The following WBP1L variants were observed in gnomAD, a reference collection of about 807,000 sequenced individuals.
The protein encoded by WBP1L is WW domain binding protein 1 like.
In WBP1L, 17 loss-of-function variants were observed where a neutral mutation model predicts 33.7. The ratio of observed to expected loss-of-function variants is 0.50; its 90% CI spans 0.34 to 0.76. The LOEUF (loss-of-function observed/expected upper bound fraction) is 0.76. WBP1L is among the 30% of genes least tolerant of loss of function. WBP1L has a pLI of 0.01. For synonymous variants in WBP1L, 173 were observed against 190.8 expected (o/e 0.91, Z 0.77); for missense variants, 389 against 469.4 (o/e 0.83, Z 1.58).
chr10:102,752,249 A>G (rs2249850), intron 1 of WBP1L, among the ~76,000 whole-genome samples: 32,581 of 152,044 alleles, frequency 0.21, 4,301 homozygotes, highest in Non-Finnish European at 0.27. Context: ...AGGTGGAGAA[A>G]TCCTGGCTTA....
At chr10:102,784,570 C>T (rs1044639072) in intron 1 of WBP1L, among the ~76,000 whole-genome samples, 11 of 151,836 alleles carry the variant, frequency 7.2e-5, no homozygotes, top group African/African-American at 2.4e-4. Context: ...GGACTACAGG[C>T]GCCCGCCACC....
At chr10:102,747,729 T>A (rs536638992) in intron 1 of WBP1L, among the ~76,000 whole-genome samples, 27 of 152,254 alleles carry the variant, frequency 1.8e-4, no homozygotes, top group Non-Finnish European at 2.8e-4. Flanking sequence ...GGTTTCGCCA[T>A]GTTGCCCAGG....
chr10:102,751,615 T>C (rs1842925142), intron 1 of WBP1L, among the ~76,000 whole-genome samples: 1 of 152,236 alleles, frequency 6.6e-6, no homozygotes, highest in East Asian at 1.9e-4. Flanking sequence ...GCCAATGTGA[T>C]ATTTACTTAA....
At chr10:102,744,979 G>A (rs767702676) in intron 1 of WBP1L, among the ~76,000 whole-genome samples, 1 of 152,178 alleles carries the variant, frequency 6.6e-6, no homozygotes, top group Admixed American at 6.5e-5. Flanking sequence ...AAACCCTAAT[G>A]GGAGCGTTAC....
chr10:102,802,176 C>T (rs1305937674), intron 2 of WBP1L, among the ~76,000 whole-genome samples: 1 of 140,090 alleles, frequency 7.1e-6, no homozygotes, highest in East Asian at 2.1e-4. Context: ...AGGTTTCACT[C>T]TATCACCCAG....
intron 1 of WBP1L, among the ~76,000 whole-genome samples, chr10:102,781,720 G>A (rs1049697032): frequency 6.6e-6 from 1 of 152,158 alleles, no homozygotes; most frequent in African/African-American, 2.4e-5. Context: ...GGTGACACTT[G>A]TTTGTGCTAC....
intron 1 of WBP1L, 98 bp from the exon 2 acceptor site, chr10:102,797,895 T>C (rs113579190): frequency 1.2e-5 from 13 of 1,099,528 alleles, no homozygotes; most frequent in Non-Finnish European, 1.6e-5. Context: ...CAAACTGTTT[T>C]GGGGGCTGGT....
At chr10:102,744,199 G>A (rs1250072299) in intron 1 of WBP1L, 56 bp downstream of exon 1, 7 of 1,496,702 alleles carry the variant, frequency 4.7e-6, no homozygotes, top group Non-Finnish European at 6.3e-6. Context: ...TCGAGGCCTG[G>A]CTGGAGGGGT....
At chr10:102,792,475 C>A (rs562792803) in intron 1 of WBP1L, among the ~76,000 whole-genome samples, 1 of 152,130 alleles carries the variant, frequency 6.6e-6, no homozygotes. Context: ...ACCTACCTAA[C>A]TTTCCTATCT....
At chr10:102,780,307 A>G (rs1008650227) in intron 1 of WBP1L, among the ~76,000 whole-genome samples, 2 of 152,218 alleles carry the variant, frequency 1.3e-5, no homozygotes, top group Admixed American at 6.5e-5. Flanking sequence ...CTATATACCA[A>G]ATTTTAGATA....
Position 102,744,006 on chromosome 10 carries a change from AG to A in WBP1L, c.-46del. ...AGGGTAGAGGAGGAGAGGGAGGAGG[AG>A]GAGGGAGGTGGCGGCGCCGTGGCGG... On this transcript the variant is annotated 5_prime_UTR_variant, in exon 1 of 4. Coordinates refer to ENST00000448841, the MANE Select transcript of WBP1L (RefSeq NM_001083913.2). 7.3e-7 allele frequency: 1 copy of A among 1,362,454 alleles called. No individual in the cohort carries two copies. Among genetic ancestry groups the A allele is most frequent in the Non-Finnish European group, 1.0e-6 (1 of 979,234 alleles). The allele number at this position is 1,362,454 out of a possible 1,614,324, so 84.4% of individuals were successfully genotyped here.
intron 3 of WBP1L, among the ~76,000 whole-genome samples, chr10:102,811,827 A>G (rs781153846): frequency 2.0e-5 from 3 of 152,218 alleles, no homozygotes; most frequent in Non-Finnish European, 4.4e-5. Context: ...TCAGTTCCAC[A>G]TCTAGAGGGG....
chr10:102,807,381 A>G (rs1056684572), intron 2 of WBP1L, among the ~76,000 whole-genome samples: 1 of 151,756 alleles, frequency 6.6e-6, no homozygotes, highest in African/African-American at 2.4e-5. Context: ...TTCTGTCCAT[A>G]TATACTTTTT....
chr10:102,797,251 G>C (rs544801654), intron 1 of WBP1L, among the ~76,000 whole-genome samples: 1 of 152,300 alleles, frequency 6.6e-6, no homozygotes, highest in South Asian at 2.1e-4. Flanking sequence ...GCTAATCCTA[G>C]AATACATACC....
At chr10:102,806,086 A>G (rs1173556396) in intron 2 of WBP1L, among the ~76,000 whole-genome samples, 1 of 151,382 alleles carries the variant, frequency 6.6e-6, no homozygotes. Context: ...AGTGGCACGC[A>G]CCTGTAGTTG....
At position 102,814,731 on chromosome 10, in the gene WBP1L, G is replaced by C. The variant is rs1035704263; in HGVS notation, c.*1400G>C. 20 of 152,232 alleles carry C rather than the reference G, an allele frequency of 1.3e-4. No homozygotes were observed. The highest frequency in any genetic ancestry group is 4.8e-4 in the African/African-American group (20 of 41,304). 9.4% of individuals were successfully genotyped at this position (152,232 alleles called of 1,614,324 possible). On this transcript the variant is annotated 3_prime_UTR_variant, in exon 4 of 4. Coordinates refer to ENST00000448841, the MANE Select transcript of WBP1L (RefSeq NM_001083913.2). The stretch of plus-strand genomic sequence containing the variant: ...GCCTTCAGGTCACCAGCTGAGCTGC[G>C]ATAGGAAAATCTGAATGGAGGCAGC...
At chr10:102,766,387 G>A (rs1297947001) in intron 1 of WBP1L, among the ~76,000 whole-genome samples, 1 of 139,608 alleles carries the variant, frequency 7.2e-6, no homozygotes, top group East Asian at 2.2e-4. Context: ...GTTGCAGTTA[G>A]CTGAGATCGC....
intron 1 of WBP1L, among the ~76,000 whole-genome samples, chr10:102,784,126 G>A (rs478126): frequency 0.29 from 44,214 of 151,862 alleles, 6,789 homozygotes; most frequent in Non-Finnish European, 0.31. Context: ...CTGAAAAGTC[G>A]GATGGAACTG....
intron 1 of WBP1L, among the ~76,000 whole-genome samples, chr10:102,757,276 C>A (rs1316452873): frequency 6.6e-6 from 1 of 152,218 alleles, no homozygotes; most frequent in African/African-American, 2.4e-5. Flanking sequence ...TCTGCCTCAG[C>A]ATCCCAAGTA....
Sources: allele counts gnomAD v4.1 joint callset (sites outside exome capture counted in the v4.1 genomes callset), GRCh38; gene constraint gnomAD v4.1.1; transcripts MANE v1.5; gene names NCBI Gene and HGNC (gene_info 2026-07-23, HGNC 2026-07-21).